The following SCAMP1 variants were observed in gnomAD, a reference collection of about 807,000 sequenced individuals.
SCAMP1 encodes secretory carrier-associated membrane protein 1.
SCAMP1 carries 15 observed loss-of-function variants against 41.8 expected under a neutral mutation model. The observed-to-expected ratio is 0.36, with a 90% CI of 0.24 to 0.55. SCAMP1 has a LOEUF of 0.55. Ranked by LOEUF, SCAMP1 falls within the 20% of genes least tolerant of loss-of-function variation. The pLI is 0.86. For synonymous variants in SCAMP1, 135 were observed against 136.8 expected (o/e 0.99, Z 0.09); for missense variants, 341 against 412.6 (o/e 0.83, Z 1.50).
In SCAMP1 at chr5:78,363,579, G is replaced by A. The variant is rs373345565; in HGVS notation, c.57+2851G>A. On this transcript the variant is annotated intron_variant, in intron 1 of 8. Transcript: ENST00000621999. ...CTTATTTTCAAGTATATGATATTTC[G>A]CATTTGGTAACTATGCTAATTTCTT... Among the ~76,000 whole-genome samples the A allele has an allele frequency of 6.6e-5, 10 of 152,226 alleles. No homozygotes were observed. In the East Asian group the frequency reaches 1.2e-3, roughly 18 times the overall value.
chr5:78,467,325 A>G (rs1229050927), intron 8 of SCAMP1, among the ~76,000 whole-genome samples: 1 of 152,206 alleles, frequency 6.6e-6, no homozygotes, highest in East Asian at 1.9e-4. Context: ...TGTGTGGCAC[A>G]GATGATCAAT....
chr5:78,469,913 C>CAAAAAAAAAAAAAAAAA (rs1561290939), intron 8 of SCAMP1, among the ~76,000 whole-genome samples: 32 of 23,164 alleles, frequency 1.4e-3, no homozygotes, highest in Non-Finnish European at 1.8e-3. Flanking sequence ...AAAAAAAAAA[C>CAAAAAAAAAAAAAAAAA]AAAAAAAAAA....
intron 6 of SCAMP1, among the ~76,000 whole-genome samples, chr5:78,437,761 A>C (rs373711337): frequency 6.6e-6 from 1 of 151,958 alleles, no homozygotes; most frequent in African/African-American, 2.4e-5. Flanking sequence ...CTGTTTTTCT[A>C]TTGTTTGGAA....
At position 78,453,506 on chromosome 5, in the gene SCAMP1, C is replaced by T. The variant is rs1304680462; in HGVS notation, c.734+3472C>T. The stretch of plus-strand genomic sequence containing the variant: ...AGATCAGATAGTTGTAGATGTGTGG[C>T]GTTATTTCTGAGGGCTCTGTTCTGT... On this transcript the variant is annotated intron_variant, in intron 7 of 8. Coordinates refer to ENST00000621999, the MANE Select transcript of SCAMP1 (RefSeq NM_004866.6). 4.6e-5 allele frequency among the ~76,000 whole-genome samples: 7 copies of T among 151,924 alleles called. No homozygotes were observed. The South Asian group carries it at 6.3e-4, about 14-fold the overall frequency.
chr5:78,455,744 ACTTT>A (rs1323988946), intron 7 of SCAMP1, among the ~76,000 whole-genome samples: 13 of 135,756 alleles, frequency 9.6e-5, no homozygotes, highest in African/African-American at 3.7e-4. Context: ...ATCCTTATTG[ACTTT>A]CTGTCTTGTT....
At chr5:78,407,560 T>A (rs1162003287) in intron 2 of SCAMP1, among the ~76,000 whole-genome samples, 2 of 152,082 alleles carry the variant, frequency 1.3e-5, no homozygotes, top group African/African-American at 4.8e-5. Flanking sequence ...TGGCTTGTGT[T>A]TTAGGGTTTT....
At chr5:78,374,922 C>T (rs1286958007) in intron 1 of SCAMP1, among the ~76,000 whole-genome samples, 6 of 152,130 alleles carry the variant, frequency 3.9e-5, no homozygotes, top group South Asian at 2.1e-4. Context: ...ATAAAAGTTT[C>T]GCTAAATACA....
At chr5:78,446,195 G>T (rs1006166409) in intron 6 of SCAMP1, among the ~76,000 whole-genome samples, 1 of 152,176 alleles carries the variant, frequency 6.6e-6, no homozygotes, top group African/African-American at 2.4e-5. Flanking sequence ...GAGGAAGGTG[G>T]ACTAGTTTTA....
At chr5:78,410,776 A>T (rs989113539) in intron 2 of SCAMP1, among the ~76,000 whole-genome samples, 5 of 152,182 alleles carry the variant, frequency 3.3e-5, no homozygotes, top group Non-Finnish European at 7.4e-5. Context: ...GTATAAAAGC[A>T]TTACTTTTTC....
Position 78,414,698 on chromosome 5 carries a change from G to A in SCAMP1, c.136-822G>A, listed in dbSNP as rs191264731. 6.0e-4 allele frequency among the ~76,000 whole-genome samples: 92 copies of A among 152,308 alleles called. 1 individual carries two copies. The highest frequency in any genetic ancestry group is 2.1e-3 in the African/African-American group (87 of 41,558). On this transcript the variant is annotated intron_variant, in intron 2 of 8. Coordinates refer to ENST00000621999, the MANE Select transcript of SCAMP1 (RefSeq NM_004866.6). ...CCAATCCCCCATTGATGGACTTGTA[G>A]ATGTCTACTTCCTGATCTTGCAGCT...
At chr5:78,365,934 T>A (rs192985465) in intron 1 of SCAMP1, among the ~76,000 whole-genome samples, 21 of 152,268 alleles carry the variant, frequency 1.4e-4, no homozygotes, top group African/African-American at 5.1e-4. Flanking sequence ...TCTTAGTCTG[T>A]TTGGGCTGCT....
intron 8 of SCAMP1, 148 bp from the exon 9 acceptor site, chr5:78,475,356 T>C: frequency 2.1e-6 from 1 of 469,292 alleles, no homozygotes; most frequent in East Asian, 3.5e-5. Context: ...AATTATTGTG[T>C]GTCAGTTTGG....
At chr5:78,431,404 CT>C (rs1165461771) in intron 6 of SCAMP1, among the ~76,000 whole-genome samples, 1 of 151,348 alleles carries the variant, frequency 6.6e-6, no homozygotes, top group Non-Finnish European at 1.5e-5. Flanking sequence ...TTGACAGTCT[CT>C]TTTAATTAAT....
intron 6 of SCAMP1, among the ~76,000 whole-genome samples, chr5:78,426,673 A>T (rs986486471): frequency 6.6e-6 from 1 of 152,166 alleles, no homozygotes; most frequent in African/African-American, 2.4e-5. Context: ...CAGTTTTAGA[A>T]CTTTTCCATC....
At chr5:78,364,588 G>A (rs973197943) in intron 1 of SCAMP1, among the ~76,000 whole-genome samples, 28 of 152,082 alleles carry the variant, frequency 1.8e-4, no homozygotes, top group African/African-American at 6.5e-4. Context: ...GTCCATTACT[G>A]GTGACACTGT....
In SCAMP1 at chr5:78,388,824, A is replaced by C. The variant is rs1190792851; in HGVS notation, c.58-13A>C. ...TAAGTAATCTTTTTTTTCTCCTTTG[A>C]ATTTTATTCTAGGATCCATCAGTTA... On this transcript the variant is annotated splice_polypyrimidine_tract_variant and intron_variant, in intron 1 of 8. Coordinates refer to ENST00000621999, the MANE Select transcript of SCAMP1 (RefSeq NM_004866.6). 1 of 1,404,726 alleles carries C rather than the reference A, an allele frequency of 7.1e-7. No individual in the cohort carries two copies. The allele number at this position is 1,404,726 out of a possible 1,614,324, so 87.0% of individuals were successfully genotyped here.
At chr5:78,464,599 A>C (rs1443853027) in intron 8 of SCAMP1, among the ~76,000 whole-genome samples, 1 of 152,014 alleles carries the variant, frequency 6.6e-6, no homozygotes. Flanking sequence ...ACAAATTGGC[A>C]CTCTGCAGAT....
chr5:78,440,208 A>C (rs187369603), intron 6 of SCAMP1, among the ~76,000 whole-genome samples: 7 of 151,978 alleles, frequency 4.6e-5, no homozygotes, highest in Non-Finnish European at 4.4e-5. Context: ...TCTTCTCTCA[A>C]CTCGTCAAAG....
intron 6 of SCAMP1, among the ~76,000 whole-genome samples, chr5:78,449,623 G>A (rs1461421908): frequency 2.0e-5 from 3 of 152,142 alleles, no homozygotes; most frequent in Non-Finnish European, 4.4e-5. Flanking sequence ...ATTCTATGAT[G>A]CTGTTTAATA....
Sources: gnomAD v4.1 joint callset for allele counts (sites outside exome capture counted in the v4.1 genomes callset) on GRCh38, gnomAD v4.1.1 for gene constraint, MANE v1.5 for transcripts, NCBI Gene and HGNC (gene_info 2026-07-23, HGNC 2026-07-21) for gene names.